C2CD2: variants seen among roughly 807,000 people sequenced by gnomAD.
C2CD2 encodes C2 calcium dependent domain containing 2, also known as C2 domain-containing protein 2.
In C2CD2, 43 loss-of-function variants were observed where a neutral mutation model predicts 74.3. The observed-to-expected ratio is 0.58, with a 90% CI of 0.45 to 0.75. The LOEUF is 0.75. C2CD2 is among the 30% of genes least tolerant of loss of function. The pLI is 0.00. For synonymous variants in C2CD2, 422 were observed against 390.7 expected (o/e 1.08, Z -0.94); for missense variants, 801 against 916.3 (o/e 0.87, Z 1.63).
chr21:41,922,483 T>C (rs967698577), intron 2 of C2CD2, among the ~76,000 whole-genome samples: 8 of 149,834 alleles, frequency 5.3e-5, no homozygotes, highest in African/African-American at 1.5e-4. Context: ...CATCTTTTTT[T>C]TTTTTTTTTG....
At chr21:41,934,004 A>G (rs1283225682) in intron 2 of C2CD2, among the ~76,000 whole-genome samples, 3 of 152,214 alleles carry the variant, frequency 2.0e-5, no homozygotes, top group African/African-American at 7.2e-5. Context: ...CACTGTTAAC[A>G]GCAGCCTCAT....
intron 5 of C2CD2, among the ~76,000 whole-genome samples, chr21:41,917,291 C>T (rs1184462140): frequency 3.3e-5 from 5 of 152,154 alleles, no homozygotes; most frequent in Non-Finnish European, 7.4e-5. Flanking sequence ...AGACATCACA[C>T]AGGAATTTGT....
chr21:41,917,825 T>C (rs1368938599), intron 5 of C2CD2, among the ~76,000 whole-genome samples: 2 of 152,150 alleles, frequency 1.3e-5, no homozygotes, highest in African/African-American at 4.8e-5. Context: ...CACTGGCTGC[T>C]TTCCCAGGTA....
intron 10 of C2CD2, among the ~76,000 whole-genome samples, chr21:41,906,383 T>A (rs1317495483): frequency 6.6e-6 from 1 of 152,220 alleles, no homozygotes; most frequent in Non-Finnish European, 1.5e-5. Context: ...TTTTGCTTTT[T>A]TCTTTGAAAT....
In C2CD2 at chr21:41,889,029, G is replaced by A. The variant is rs923292376; in HGVS notation, c.*95C>T. The A allele has an allele frequency of 2.3e-6, 2 of 876,860 alleles. No individual in the cohort carries two copies. The highest frequency in any genetic ancestry group is 1.7e-5 in the African/African-American group (1 of 60,342). The allele number at this position is 876,860 out of a possible 1,614,324, so 54.3% of individuals were successfully genotyped here. On this transcript the variant is annotated 3_prime_UTR_variant, in exon 14 of 14. Transcript: ENST00000380486. Reference sequence around the variant, plus strand: ...GAAGAAACCCAGCAAGACAAGCGGGGCATCTGGACATCCGGCGGACACACT... The same window carrying A: ...GAAGAAACCCAGCAAGACAAGCGGGACATCTGGACATCCGGCGGACACACT...
At chr21:41,889,458 T>C (rs2064722825) in intron 13 of C2CD2, 114 bp from the exon 14 acceptor site, 4 of 698,240 alleles carry the variant, frequency 5.7e-6, no homozygotes, top group Non-Finnish European at 1.0e-5. Flanking sequence ...GAAGGGCCAG[T>C]TTACTACTTC....
intron 2 of C2CD2, 50 bp downstream of exon 2, chr21:41,942,097 C>T (rs941583821): frequency 2.6e-6 from 4 of 1,542,462 alleles, no homozygotes; most frequent in South Asian, 1.2e-5. Context: ...ACTCCCCGTC[C>T]CCGGCATCAA....
intron 3 of C2CD2, among the ~76,000 whole-genome samples, chr21:41,919,241 C>T (rs564632342): frequency 7.2e-5 from 11 of 152,268 alleles, no homozygotes; most frequent in Middle Eastern, 3.4e-3. Context: ...CATGTGAGCA[C>T]GTGTGCCTGT....
At chr21:41,935,567 A>G (rs1238117723) in intron 2 of C2CD2, among the ~76,000 whole-genome samples, 3 of 152,268 alleles carry the variant, frequency 2.0e-5, no homozygotes, top group African/African-American at 7.2e-5. Flanking sequence ...CCACAGCCAG[A>G]AAAGTTCTGA....
chr21:41,889,451 G>C (rs559412205), intron 13 of C2CD2, 107 bp from the exon 14 acceptor site: 59 of 732,824 alleles, frequency 8.1e-5, no homozygotes, highest in Admixed American at 7.4e-4. Flanking sequence ...CTCTAACGAA[G>C]GGCCAGTTTA....
intron 12 of C2CD2, chr21:41,901,405 T>C (rs2064894816): frequency 1.7e-6 from 1 of 603,080 alleles, no homozygotes; most frequent in East Asian, 2.9e-5. Flanking sequence ...GCGTCCCTGA[T>C]TAGAAAGTCT....
chr21:41,912,296 C>T (rs200209822), intron 7 of C2CD2, 36 bp downstream of exon 7: 9 of 1,329,492 alleles, frequency 6.8e-6, no homozygotes, highest in East Asian at 4.6e-5. Context: ...CAGACACGGC[C>T]GTGGACACAC....
chr21:41,953,291 A>G, intron 1 of C2CD2, 79 bp downstream of exon 1: 1 of 952,270 alleles, frequency 1.1e-6, no homozygotes, highest in Non-Finnish European at 1.5e-6. Context: ...GGCTGCAGCG[A>G]CGCCTCCAGG....
At chr21:41,941,052 T>C (rs1213912802) in intron 2 of C2CD2, among the ~76,000 whole-genome samples, 1 of 152,016 alleles carries the variant, frequency 6.6e-6, no homozygotes, top group Non-Finnish European at 1.5e-5. Flanking sequence ...GTAAGATTTG[T>C]ATTGAAGAGA....
intron 13 of C2CD2, among the ~76,000 whole-genome samples, chr21:41,898,140 C>T (rs943211785): frequency 6.6e-6 from 1 of 152,222 alleles, no homozygotes; most frequent in African/African-American, 2.4e-5. Flanking sequence ...TCAGGACATC[C>T]TGAGATTTCC....
At position 41,903,105 on chromosome 21, in the gene C2CD2, C is replaced by T. The variant is rs571618919; in HGVS notation, c.1433-1356G>A. ...AGGGAGCGTCCAGGTTGTGAACCAACGCATGCACGTACTGGGAAAGGGGCG... is the reference window on the plus strand; with the variant it reads ...AGGGAGCGTCCAGGTTGTGAACCAATGCATGCACGTACTGGGAAAGGGGCG... On this transcript the variant is annotated intron_variant, in intron 11 of 13. Transcript: ENST00000380486. The surrounding 1 kb of genome is among the most constrained non-coding windows in gnomAD (Gnocchi z 4.5). Among the ~76,000 whole-genome samples the T allele has an allele frequency of 7.2e-5, 11 of 152,270 alleles. No individual in the cohort carries two copies. Among genetic ancestry groups the T allele is most frequent in the Middle Eastern group, 3.4e-3 (1 of 294 alleles).
chr21:41,942,036 T>G, intron 2 of C2CD2, 111 bp downstream of exon 2: 2 of 1,399,842 alleles, frequency 1.4e-6, no homozygotes, highest in Non-Finnish European at 9.5e-7. Flanking sequence ...TTGTTTTGAT[T>G]TTTTTCCTAG....
intron 2 of C2CD2, among the ~76,000 whole-genome samples, chr21:41,937,871 G>A (rs575650720): frequency 3.9e-5 from 6 of 152,256 alleles, no homozygotes; most frequent in East Asian, 3.9e-4. Context: ...CAAATTCCAC[G>A]TGATCTCACT....
chr21:41,953,208 C>CG lies in C2CD2; in HGVS notation c.279+161dup, dbSNP rs967239344. On this transcript the variant is annotated intron_variant, in intron 1 of 13. Coordinates refer to ENST00000380486, the MANE Select transcript of C2CD2 (RefSeq NM_015500.2). ...GTCTTGTCTCTCCGTCAAGGGGCCT[C>CG]GCTCCCCCGTCTCTCTCCTAACTCT... 3.2e-4 allele frequency: 137 copies of CG among 427,470 alleles called. 1 individual carries two copies. Among genetic ancestry groups the CG allele is most frequent in the African/African-American group, 2.6e-3 (129 of 49,046 alleles). The allele number at this position is 427,470 out of a possible 1,614,324, so 26.5% of individuals were successfully genotyped here. A position where few individuals can be genotyped will look rare whatever the true frequency, so the allele number is the denominator to read the frequency against.
Sources: gnomAD v4.1 joint callset for allele counts (sites outside exome capture counted in the v4.1 genomes callset) on GRCh38, gnomAD v4.1.1 for gene constraint, Gnocchi (gnomAD v3.1) non-coding constraint, MANE v1.5 for transcripts, NCBI Gene and HGNC (gene_info 2026-07-23, HGNC 2026-07-21) for gene names.